Variants in ITGAV observed in about 807,000 individuals in gnomAD.
ITGAV encodes integrin subunit alpha V, also known as integrin alpha-V.
In ITGAV, 76 loss-of-function variants were observed where a neutral mutation model predicts 143.8. The observed-to-expected ratio is 0.53, with a 90% confidence interval of 0.44 to 0.64. ITGAV has a LOEUF of 0.64. Among genes scored for constraint, ITGAV ranks in the 30% least tolerant of loss-of-function variants. The probability of loss-of-function intolerance (pLI) is 0.00; values close to 1 mark genes in which losing one functional copy is unlikely to be tolerated. For missense variants in ITGAV, 1,193 were observed against 1,274.7 expected, an observed-to-expected ratio of 0.94 and a Z score of 0.98; for synonymous variants, 453 against 446.7, an observed-to-expected ratio of 1.01 and a Z score of -0.18.
In ITGAV at chr2:186,590,162, G is replaced by T. The variant is rs1686570155; in HGVS notation, c.-177G>T. On this transcript the variant is annotated 5_prime_UTR_variant, in exon 1 of 30. Coordinates refer to ENST00000261023, the MANE Select transcript of ITGAV (RefSeq NM_002210.5). The stretch of plus-strand genomic sequence containing the variant: ...GCGCTCTGCGCCCCTCGTCCCTGGC[G>T]GTCGCTCCGAAGCTCAGCCCTCTTG... 1 of 469,368 alleles carries T rather than the reference G, an allele frequency of 2.1e-6. No individual in the cohort carries two copies. Among genetic ancestry groups the T allele is most frequent in the South Asian group, 6.0e-5 (1 of 16,540 alleles). The allele number at this position is 469,368 out of a possible 1,614,324, so 29.1% of individuals were successfully genotyped here.
At chr2:186,617,338 TG>T (rs1398477325) in intron 2 of ITGAV, among the ~76,000 whole-genome samples, 1 of 152,204 alleles carries the variant, frequency 6.6e-6, no homozygotes, top group Non-Finnish European at 1.5e-5. Context: ...TCCAGCAAGT[TG>T]AGTGCCAAAT....
intron 10 of ITGAV, 43 bp downstream of exon 10, chr2:186,638,508 A>G: frequency 6.8e-7 from 1 of 1,478,932 alleles, no homozygotes; most frequent in Non-Finnish European, 9.4e-7. Context: ...CTATAAAAGC[A>G]GTATGTACTC....
intron 7 of ITGAV, among the ~76,000 whole-genome samples, chr2:186,636,472 A>G (rs942594700): frequency 6.6e-6 from 1 of 152,222 alleles, no homozygotes; most frequent in Admixed American, 6.5e-5. Flanking sequence ...GGCATTGTTC[A>G]AGGTGACTTG....
At chr2:186,620,132 C>CT (rs1207248621) in intron 2 of ITGAV, among the ~76,000 whole-genome samples, 1 of 152,172 alleles carries the variant, frequency 6.6e-6, no homozygotes, top group East Asian at 1.9e-4. Flanking sequence ...ACAAGGTTTT[C>CT]TTTTGGCCCA....
At chr2:186,619,191 A>G (rs947927948) in intron 2 of ITGAV, among the ~76,000 whole-genome samples, 1 of 151,248 alleles carries the variant, frequency 6.6e-6, no homozygotes, top group Non-Finnish European at 1.5e-5. Flanking sequence ...ACACTGGAAA[A>G]ATGTGGTGTG....
intron 12 of ITGAV, among the ~76,000 whole-genome samples, chr2:186,642,318 A>C (rs1688126447): frequency 6.6e-6 from 1 of 152,098 alleles, no homozygotes; most frequent in South Asian, 2.1e-4. Context: ...TAGTAAGCCT[A>C]TGCCCCCTTA....
intron 14 of ITGAV, among the ~76,000 whole-genome samples, 172 bp downstream of exon 14, chr2:186,650,057 ATAAT>A (rs1252429521): frequency 6.6e-6 from 1 of 152,194 alleles, no homozygotes; most frequent in Admixed American, 6.5e-5. Flanking sequence ...TTGGTACATA[ATAAT>A]TGTACATATT....
At chr2:186,648,970 TTGTATATATATACATTTG>T (rs1688343176) in intron 13 of ITGAV, among the ~76,000 whole-genome samples, 2 of 138,102 alleles carry the variant, frequency 1.4e-5, no homozygotes, top group Admixed American at 7.4e-5. Context: ...ATATATACAT[TTGTATATATATACATTTG>T]TGTGTATATA....
chr2:186,673,341 A>C (rs750923118), intron 26 of ITGAV, among the ~76,000 whole-genome samples: 2 of 152,200 alleles, frequency 1.3e-5, no homozygotes, highest in Non-Finnish European at 2.9e-5. Flanking sequence ...TCAGGTTTTG[A>C]AATAGGGAAA....
intron 5 of ITGAV, 72 bp from the exon 6 acceptor site, chr2:186,633,257 T>A: frequency 1.1e-6 from 1 of 917,224 alleles, no homozygotes; most frequent in African/African-American, 1.6e-5. Context: ...ATCTTATGTT[T>A]TTCATTGATT....
intron 12 of ITGAV, among the ~76,000 whole-genome samples, chr2:186,643,745 A>C (rs911124565): frequency 6.6e-6 from 1 of 152,232 alleles, no homozygotes; most frequent in African/African-American, 2.4e-5. Flanking sequence ...AGCAGGAAAG[A>C]GCATCTAAAA....
chr2:186,591,638 G>A (rs1040670578), intron 1 of ITGAV, among the ~76,000 whole-genome samples: 1 of 152,112 alleles, frequency 6.6e-6, no homozygotes, highest in African/African-American at 2.4e-5. Flanking sequence ...TTTGAGGGTG[G>A]TCTCAATGGT....
chr2:186,665,076 C>T, intron 20 of ITGAV, 50 bp from the exon 21 acceptor site: 1 of 1,160,280 alleles, frequency 8.6e-7, no homozygotes. Flanking sequence ...CTGCGTGATA[C>T]TTTATTTCCT....
At chr2:186,600,105 T>TA in intron 1 of ITGAV, 1 of 482,004 alleles carries the variant, frequency 2.1e-6, no homozygotes, top group Non-Finnish European at 3.7e-6. Flanking sequence ...ATACAAAGTT[T>TA]AACCATGGCC....
At chr2:186,668,970 C>G (rs747661019) in intron 25 of ITGAV, 50 bp downstream of exon 25, 1 of 1,391,396 alleles carries the variant, frequency 7.2e-7, no homozygotes, top group Admixed American at 2.3e-5. Flanking sequence ...TCATTGCCTT[C>G]TTTCTAAACC....
intron 15 of ITGAV, among the ~76,000 whole-genome samples, chr2:186,652,561 G>C (rs1245222421): frequency 6.6e-6 from 1 of 152,118 alleles, no homozygotes; most frequent in Non-Finnish European, 1.5e-5. Flanking sequence ...TCTAAAGGCT[G>C]TAAAGATACT....
chr2:186,603,457 G>C (rs1686969262), intron 2 of ITGAV, among the ~76,000 whole-genome samples: 1 of 148,446 alleles, frequency 6.7e-6, no homozygotes, highest in South Asian at 2.1e-4. Context: ...TGTTTTCAGG[G>C]TTTTTTTTTT....
intron 7 of ITGAV, 29 bp from the exon 8 acceptor site, chr2:186,637,036 A>G: frequency 6.2e-7 from 1 of 1,603,578 alleles, no homozygotes; most frequent in African/African-American, 1.3e-5. Context: ...CCTTGTCCTG[A>G]TGGTTCTCCC....
At position 186,646,668 on chromosome 2, in the gene ITGAV, C is replaced by T. The variant is rs773970927; in HGVS notation, c.1160-18C>T. Reference sequence around the variant, plus strand: ...ACTTCTGTCATTCTCCTTCCCCCTCCTCTTTTTTTCCCCACAGATATTGCA... The same window carrying T: ...ACTTCTGTCATTCTCCTTCCCCCTCTTCTTTTTTTCCCCACAGATATTGCA... On this transcript the variant is annotated intron_variant, in intron 12 of 29. Coordinates refer to ENST00000261023, the MANE Select transcript of ITGAV (RefSeq NM_002210.5). The T allele has an allele frequency of 3.2e-6, 5 of 1,550,924 alleles. No individual in the cohort carries two copies. The African/African-American group carries it at 4.1e-5, about 13-fold the overall frequency.
Sources: allele counts gnomAD v4.1 joint callset (sites outside exome capture counted in the v4.1 genomes callset), GRCh38; gene constraint gnomAD v4.1.1; transcripts MANE v1.5; gene names NCBI Gene and HGNC (gene_info 2026-07-23, HGNC 2026-07-21).